Variants in TBL1XR1 observed in about 807,000 individuals in gnomAD.
TBL1XR1 encodes the protein F-box-like/WD repeat-containing protein TBL1XR1.
TBL1XR1 carries 5 observed loss-of-function variants against 66.9 expected under a neutral mutation model. The ratio of observed to expected loss-of-function variants is 0.07; its 90% CI spans 0.04 to 0.16. The LOEUF (loss-of-function observed/expected upper bound fraction) is 0.16. Ranked by LOEUF, TBL1XR1 falls within the 10% of genes least tolerant of loss-of-function variation. TBL1XR1 has a pLI of 1.00. For missense variants in TBL1XR1, 238 were observed against 623.2 expected (o/e 0.38, Z 6.58); for synonymous variants, 210 against 206.0 (o/e 1.02, Z -0.17).
chr3:177,164,148 T>C (rs1732546767), intron 1 of TBL1XR1: 1 of 152,156 alleles, frequency 6.6e-6, no homozygotes, highest in African/African-American at 2.4e-5. Context: ...AACATAACAT[T>C]TCAAAATTCT....
intron 1 of TBL1XR1, among the ~76,000 whole-genome samples, chr3:177,191,096 T>C (rs1736090200): frequency 6.6e-6 from 1 of 152,024 alleles, no homozygotes; most frequent in Admixed American, 6.6e-5. Flanking sequence ...AAAACTACCG[T>C]ATTTGAGAGG....
At chr3:177,122,984 A>G (rs1021539353) in intron 1 of TBL1XR1, among the ~76,000 whole-genome samples, 8 of 152,120 alleles carry the variant, frequency 5.3e-5, no homozygotes, top group African/African-American at 1.9e-4. Context: ...AGAAAACCAA[A>G]CATCATGAGC....
At chr3:177,106,856 A>G (rs940338393) in intron 1 of TBL1XR1, among the ~76,000 whole-genome samples, 2 of 152,132 alleles carry the variant, frequency 1.3e-5, no homozygotes, top group African/African-American at 4.8e-5. Context: ...GTGTGCTACT[A>G]AGGCTATTGA....
intron 2 of TBL1XR1, among the ~76,000 whole-genome samples, chr3:177,089,473 A>G (rs1303178281): frequency 2.0e-5 from 3 of 152,208 alleles, no homozygotes; most frequent in Admixed American, 2.0e-4. Context: ...GTTCCCGAGG[A>G]TGCCACATGA....
At chr3:177,096,321 CT>C (rs1723469280) in intron 2 of TBL1XR1, among the ~76,000 whole-genome samples, 1 of 141,668 alleles carries the variant, frequency 7.1e-6, no homozygotes, top group African/African-American at 2.8e-5. Context: ...CTAACACACA[CT>C]AACATACATA....
At chr3:177,048,429 C>G (rs1716609033) in intron 7 of TBL1XR1, among the ~76,000 whole-genome samples, 1 of 152,278 alleles carries the variant, frequency 6.6e-6, no homozygotes, top group African/African-American at 2.4e-5. Flanking sequence ...ACAAGATCAC[C>G]TATTTCACAT....
intron 1 of TBL1XR1, among the ~76,000 whole-genome samples, chr3:177,190,615 G>A (rs561092337): frequency 5.3e-5 from 8 of 152,284 alleles, no homozygotes; most frequent in African/African-American, 1.9e-4. Flanking sequence ...ACCGTACCCA[G>A]TCAAAACCAT....
At chr3:177,157,186 G>A (rs1261789092) in intron 1 of TBL1XR1, among the ~76,000 whole-genome samples, 2 of 152,178 alleles carry the variant, frequency 1.3e-5, no homozygotes, top group Non-Finnish European at 2.9e-5. Flanking sequence ...TCCAGCCTAA[G>A]TAGCAGAATG....
intron 2 of TBL1XR1, among the ~76,000 whole-genome samples, chr3:177,083,203 T>C (rs1169055489): frequency 4.6e-5 from 7 of 152,100 alleles, no homozygotes; most frequent in Non-Finnish European, 1.0e-4. Context: ...TTTCCTCCCA[T>C]AGCATTTTCA....
chr3:177,172,463 A>C (rs1309826589), intron 1 of TBL1XR1, among the ~76,000 whole-genome samples: 1 of 151,138 alleles, frequency 6.6e-6, no homozygotes, highest in Admixed American at 6.6e-5. Flanking sequence ...ACCATTAGAA[A>C]ACCACAGTCA....
intron 2 of TBL1XR1, among the ~76,000 whole-genome samples, chr3:177,072,879 C>G (rs1382185459): frequency 6.6e-6 from 1 of 152,128 alleles, no homozygotes; most frequent in East Asian, 1.9e-4. Context: ...GCCTGGCCAA[C>G]ATGGCGAAAC....
chr3:177,046,069 A>C, intron 10 of TBL1XR1, 60 bp downstream of exon 10: 1 of 1,297,808 alleles, frequency 7.7e-7, no homozygotes, highest in South Asian at 1.4e-5. Context: ...ATGCTGTTAA[A>C]AGTTTAATTA....
chr3:177,141,041 T>G (rs1273890275), intron 1 of TBL1XR1, among the ~76,000 whole-genome samples: 1 of 152,114 alleles, frequency 6.6e-6, no homozygotes, highest in Non-Finnish European at 1.5e-5. Flanking sequence ...TAATAATATA[T>G]TTAACTGGAA....
At chr3:177,156,391 C>T (rs1731506879) in intron 1 of TBL1XR1, among the ~76,000 whole-genome samples, 1 of 150,966 alleles carries the variant, frequency 6.6e-6, no homozygotes, top group Non-Finnish European at 1.5e-5. Context: ...CCCAGCTACT[C>T]GGGAGGCTGA....
chr3:177,112,110 T>TTA (rs1725723342), intron 1 of TBL1XR1, among the ~76,000 whole-genome samples: 1 of 89,090 alleles, frequency 1.1e-5, no homozygotes, highest in Non-Finnish European at 2.1e-5. Flanking sequence ...TATATATATT[T>TTA]TTTTTTTTTT....
chr3:177,042,449 C>A (rs770245031), intron 10 of TBL1XR1, among the ~76,000 whole-genome samples: 2 of 151,974 alleles, frequency 1.3e-5, no homozygotes, highest in Non-Finnish European at 2.9e-5. Context: ...AAAACAAAAC[C>A]AAACTACATA....
At chr3:177,162,456 C>A (rs1732332176) in intron 1 of TBL1XR1, among the ~76,000 whole-genome samples, 1 of 152,096 alleles carries the variant, frequency 6.6e-6, no homozygotes, top group African/African-American at 2.4e-5. Flanking sequence ...TTTAAAAAAT[C>A]ATAGGCACAA....
chr3:177,076,696 G>A (rs551977141), intron 2 of TBL1XR1, among the ~76,000 whole-genome samples: 1 of 152,106 alleles, frequency 6.6e-6, no homozygotes. Flanking sequence ...GTCCACCTTG[G>A]TTATCAGAGA....
intron 1 of TBL1XR1, among the ~76,000 whole-genome samples, chr3:177,108,459 G>A (rs1011612078): frequency 6.6e-6 from 1 of 152,102 alleles, no homozygotes; most frequent in Non-Finnish European, 1.5e-5. Context: ...ACAACTGTAA[G>A]CAAGCCCTCA....
Sources: gnomAD v4.1 joint callset for allele counts (sites outside exome capture counted in the v4.1 genomes callset) on GRCh38, gnomAD v4.1.1 for gene constraint, MANE v1.5 for transcripts, NCBI Gene and HGNC (gene_info 2026-07-23, HGNC 2026-07-21) for gene names.